The following CSMD1 variants were observed in gnomAD, a reference collection of about 807,000 sequenced individuals.
CSMD1 encodes CUB and sushi domain-containing protein 1.
CSMD1 carries 213 observed loss-of-function variants against 417.5 expected under a neutral mutation model. The ratio of observed to expected loss-of-function variants is 0.51; its 90% CI spans 0.46 to 0.57. The LOEUF (loss-of-function observed/expected upper bound fraction) is 0.57. Among genes scored for constraint, CSMD1 ranks in the 20% least tolerant of loss-of-function variants. CSMD1 has a pLI of 0.00. For missense variants in CSMD1, 6,923 were observed against 4,529.7 expected, an observed-to-expected ratio of 1.53 and a Z score of -15.17; for synonymous variants, 2,862 against 1,736.8, an observed-to-expected ratio of 1.65 and a Z score of -16.11.
intron 2 of CSMD1, among the ~76,000 whole-genome samples, chr8:4,585,832 A>C (rs916943759): frequency 6.6e-6 from 1 of 152,192 alleles, no homozygotes; most frequent in Admixed American, 6.5e-5. Context: ...AGTCCTTTTC[A>C]GGTCGAATAA....
chr8:2,968,045 T>C (rs1457575016), intron 57 of CSMD1, among the ~76,000 whole-genome samples: 1 of 152,236 alleles, frequency 6.6e-6, no homozygotes, highest in Non-Finnish European at 1.5e-5. Context: ...ATTAGTAGTT[T>C]CCTGGTTGGC....
At chr8:3,824,631 T>C (rs1277895218) in intron 5 of CSMD1, among the ~76,000 whole-genome samples, 1 of 152,230 alleles carries the variant, frequency 6.6e-6, no homozygotes, top group Non-Finnish European at 1.5e-5. Context: ...GTTTTTCTAC[T>C]GATTACATGC....
intron 6 of CSMD1, among the ~76,000 whole-genome samples, chr8:3,719,377 T>C (rs1245521584): frequency 6.6e-6 from 1 of 152,200 alleles, no homozygotes; most frequent in East Asian, 1.9e-4. Context: ...TTTTCATCTG[T>C]TAAAAGAAGG....
chr8:3,718,110 T>C (rs538502680), intron 6 of CSMD1, among the ~76,000 whole-genome samples: 81 of 152,366 alleles, frequency 5.3e-4, no homozygotes, highest in Non-Finnish European at 1.0e-3. Flanking sequence ...ACATTTAAAA[T>C]AATGCGCTAT....
chr8:4,367,668 C>G (rs1362597781), intron 3 of CSMD1, among the ~76,000 whole-genome samples: 3 of 152,102 alleles, frequency 2.0e-5, no homozygotes, highest in African/African-American at 7.2e-5. Context: ...ATGATTTTCA[C>G]AATATTGAGT....
chr8:4,004,622 A>G (rs987000523), intron 4 of CSMD1, among the ~76,000 whole-genome samples: 1 of 152,130 alleles, frequency 6.6e-6, no homozygotes, highest in Non-Finnish European at 1.5e-5. Context: ...TTACTATTCT[A>G]CAATATATTT....
At chr8:4,646,469 C>T (rs1374051336) in intron 1 of CSMD1, among the ~76,000 whole-genome samples, 4 of 152,074 alleles carry the variant, frequency 2.6e-5, no homozygotes, top group South Asian at 2.1e-4. Flanking sequence ...TGCATTTAAA[C>T]TCTGAGATGT....
chr8:4,876,719 C>A (rs985728271), intron 1 of CSMD1, among the ~76,000 whole-genome samples: 1 of 152,054 alleles, frequency 6.6e-6, no homozygotes, highest in Non-Finnish European at 1.5e-5. Context: ...AAGACAATAT[C>A]ATGACCTCTT....
chr8:3,716,403 T>C (rs1432746092), intron 6 of CSMD1, among the ~76,000 whole-genome samples: 1 of 152,196 alleles, frequency 6.6e-6, no homozygotes, highest in African/African-American at 2.4e-5. Context: ...TTTATGGTTA[T>C]TTCTTGATGA....
intron 7 of CSMD1, among the ~76,000 whole-genome samples, chr8:3,665,047 C>T (rs1008183677): frequency 6.6e-6 from 1 of 151,986 alleles, no homozygotes; most frequent in African/African-American, 2.4e-5. Context: ...CTACCAATTT[C>T]TCTGATGTTT....
In CSMD1 at chr8:4,633,375, T is replaced by G. The variant is rs548843320; in HGVS notation, c.302+3967A>C. Among the ~76,000 whole-genome samples the G allele has an allele frequency of 4.6e-5, 7 of 151,970 alleles. No individual in the cohort carries two copies. The South Asian group carries it at 1.3e-3, about 27-fold the overall frequency. ...CAGTCTCCTGCCTCACCCTCCCTAG[T>G]AGCTGGGACTACAGGCGCCCACCAC... On this transcript the variant is annotated intron_variant, in intron 2 of 69. Transcript: ENST00000635120.
chr8:3,936,781 C>G (rs558125967), intron 5 of CSMD1, among the ~76,000 whole-genome samples: 60 of 152,254 alleles, frequency 3.9e-4, no homozygotes, highest in African/African-American at 1.4e-3. Flanking sequence ...AAACTTTTGA[C>G]TTTCAATTAT....
chr8:4,657,626 GCA>G (rs1278477111), intron 1 of CSMD1, among the ~76,000 whole-genome samples: 2 of 150,978 alleles, frequency 1.3e-5, no homozygotes, highest in Non-Finnish European at 2.9e-5. Flanking sequence ...AAATTAATTT[GCA>G]CAGTTACCAA....
chr8:3,193,804 C>T (rs909281058), intron 33 of CSMD1, among the ~76,000 whole-genome samples: 6 of 152,184 alleles, frequency 3.9e-5, no homozygotes, highest in African/African-American at 1.2e-4. Flanking sequence ...CAAATGTGTG[C>T]TCATCTGTCG....
chr8:4,110,512 C>A (rs771830187), intron 3 of CSMD1, among the ~76,000 whole-genome samples: 2 of 152,066 alleles, frequency 1.3e-5, no homozygotes, highest in Non-Finnish European at 2.9e-5. Flanking sequence ...TTTCCCCTAG[C>A]GTGTGCAAGT....
intron 3 of CSMD1, among the ~76,000 whole-genome samples, chr8:4,388,832 T>C (rs1346769535): frequency 6.6e-6 from 1 of 152,216 alleles, no homozygotes; most frequent in African/African-American, 2.4e-5. Flanking sequence ...AATCCTGCCT[T>C]CCCTTTGATT....
intron 3 of CSMD1, among the ~76,000 whole-genome samples, chr8:4,191,550 A>T (rs1243230110): frequency 1.3e-5 from 2 of 152,172 alleles, no homozygotes; most frequent in African/African-American, 4.8e-5. Context: ...CTGAACTACA[A>T]CTGAAAATGC....
intron 4 of CSMD1, among the ~76,000 whole-genome samples, chr8:4,006,116 A>T (rs1332779180): frequency 6.6e-6 from 1 of 152,162 alleles, no homozygotes; most frequent in Non-Finnish European, 1.5e-5. Flanking sequence ...GTCCGAGGAG[A>T]CTTGATATTC....
chr8:3,338,912 G>A (rs1807455887), intron 23 of CSMD1, among the ~76,000 whole-genome samples: 2 of 150,412 alleles, frequency 1.3e-5, no homozygotes, highest in Admixed American at 6.6e-5. Flanking sequence ...GTATACATGT[G>A]CCATGCTGGT....
Sources: gnomAD v4.1 joint callset for allele counts (sites outside exome capture counted in the v4.1 genomes callset) on GRCh38, gnomAD v4.1.1 for gene constraint, MANE v1.5 for transcripts, NCBI Gene and HGNC (gene_info 2026-07-23, HGNC 2026-07-21) for gene names.